AGBL4: variants seen among roughly 807,000 people sequenced by gnomAD.
AGBL4 encodes cytosolic carboxypeptidase 6.
A neutral mutation model predicts 66.4 loss-of-function variants in AGBL4; 58 were observed. That is an observed-to-expected ratio of 0.87 (90% CI 0.71 to 1.09). AGBL4 has a LOEUF of 1.09. Ranked by LOEUF, AGBL4 falls within the 50% of genes least tolerant of loss-of-function variation. AGBL4 has a pLI of 0.00. For missense variants in AGBL4, 579 were observed against 631.0 expected (o/e 0.92, Z 0.88); for synonymous variants, 234 against 222.9 (o/e 1.05, Z -0.44).
chr1:49,964,513 T>C (rs1657391769), intron 1 of AGBL4, among the ~76,000 whole-genome samples: 1 of 152,138 alleles, frequency 6.6e-6, no homozygotes, highest in Non-Finnish European at 1.5e-5. Flanking sequence ...ATTTTCTAGG[T>C]GGCTAATATT....
intron 6 of AGBL4, among the ~76,000 whole-genome samples, chr1:48,748,009 T>C (rs1395414486): frequency 6.6e-6 from 1 of 152,224 alleles, no homozygotes; most frequent in Non-Finnish European, 1.5e-5. Flanking sequence ...TACCATCCTA[T>C]TTTCTTCATA....
At chr1:48,897,861 G>A (rs1651685556) in intron 5 of AGBL4, among the ~76,000 whole-genome samples, 1 of 145,764 alleles carries the variant, frequency 6.9e-6, no homozygotes, top group Non-Finnish European at 1.5e-5. Context: ...CCAGGCCGGA[G>A]TGCAGTGGCA....
rs186370354 is a variant in AGBL4, at chr1:49,739,035, A to G, written c.158-41598T>C. Among the ~76,000 whole-genome samples the G allele has an allele frequency of 7.7e-4, 117 of 152,316 alleles. 1 individual carries two copies. The East Asian group carries it at 0.019, about 24-fold the overall frequency. On this transcript the variant is annotated intron_variant, in intron 2 of 13. Transcript: ENST00000371839. The stretch of plus-strand genomic sequence containing the variant: ...AAAGGAACGCAGTTCCTCACCAACA[A>G]TGGAACAAAGCTGGATGGAGAATGA...
intron 1 of AGBL4, among the ~76,000 whole-genome samples, chr1:50,014,311 C>A (rs1383435859): frequency 2.0e-5 from 3 of 151,056 alleles, no homozygotes; most frequent in African/African-American, 4.9e-5. Flanking sequence ...GTGGAGGCTG[C>A]AGTGAGCCAA....
At chr1:49,704,722 A>G (rs1307890785) in intron 2 of AGBL4, among the ~76,000 whole-genome samples, 2 of 152,104 alleles carry the variant, frequency 1.3e-5, no homozygotes, top group Non-Finnish European at 2.9e-5. Flanking sequence ...CAGGTTTGTC[A>G]AAGATCAGAT....
At position 49,347,614 on chromosome 1, in the gene AGBL4, C is replaced by T. The variant is rs975762513; in HGVS notation, c.283-101750G>A. Among the ~76,000 whole-genome samples, 9 of 151,932 alleles carry T rather than the reference C, an allele frequency of 5.9e-5. No homozygotes were observed. In the East Asian group the frequency reaches 1.4e-3, roughly 23 times the overall value. On this transcript the variant is annotated intron_variant, in intron 3 of 13. Coordinates refer to ENST00000371839, the MANE Select transcript of AGBL4 (RefSeq NM_032785.4). ...GAGGCTCACGCCTGTAATCCCAGCA[C>T]GTTGGGAGGCTCAGGCAGCCAGATC...
intron 3 of AGBL4, among the ~76,000 whole-genome samples, chr1:49,565,402 T>A (rs544246247): frequency 3.3e-5 from 5 of 152,214 alleles, no homozygotes; most frequent in Non-Finnish European, 5.9e-5. Context: ...CTAGCCTTGA[T>A]GGTCTTTACA....
At chr1:49,294,914 C>G (rs1644610904) in intron 3 of AGBL4, among the ~76,000 whole-genome samples, 1 of 152,224 alleles carries the variant, frequency 6.6e-6, no homozygotes, top group Non-Finnish European at 1.5e-5. Flanking sequence ...GTCTGCATCC[C>G]TCATCCTCCA....
At chr1:49,693,986 T>A (rs1646936103) in intron 3 of AGBL4, among the ~76,000 whole-genome samples, 1 of 152,282 alleles carries the variant, frequency 6.6e-6, no homozygotes, top group Admixed American at 6.5e-5. Flanking sequence ...GGTTAATATA[T>A]CAGTCCTGGG....
chr1:49,877,081 A>G (rs1440914082), intron 1 of AGBL4, among the ~76,000 whole-genome samples: 4 of 151,600 alleles, frequency 2.6e-5, no homozygotes, highest in Non-Finnish European at 5.9e-5. Flanking sequence ...GGTTTTCTAG[A>G]TAAACAATCA....
At chr1:49,366,757 A>C (rs1381308389) in intron 3 of AGBL4, among the ~76,000 whole-genome samples, 1 of 152,150 alleles carries the variant, frequency 6.6e-6, no homozygotes, top group Admixed American at 6.6e-5. Context: ...GCTCAACTTG[A>C]CCTCAAAAGA....
At chr1:48,568,102 C>T (rs1644504344) in intron 11 of AGBL4, among the ~76,000 whole-genome samples, 1 of 152,206 alleles carries the variant, frequency 6.6e-6, no homozygotes, top group Admixed American at 6.5e-5. Flanking sequence ...TCAAGCCCCA[C>T]TGGGTCTTAC....
At position 48,942,609 on chromosome 1, in the gene AGBL4, G is replaced by A. The variant is rs1656099554; in HGVS notation, c.595-75379C>T. On this transcript the variant is annotated intron_variant, in intron 5 of 13. Transcript: ENST00000371839. ...GTCTTCCACTTACTCTGGAAGCTGT[G>A]TCCCAATTCAATGTTGTATTCCTAG... Among the ~76,000 whole-genome samples the A allele has an allele frequency of 5.9e-5, 9 of 152,282 alleles. No homozygotes were observed. In the South Asian group the frequency reaches 1.9e-3, roughly 32 times the overall value.
At chr1:49,912,977 A>T (rs1253319479) in intron 1 of AGBL4, among the ~76,000 whole-genome samples, 4 of 152,240 alleles carry the variant, frequency 2.6e-5, no homozygotes, top group Non-Finnish European at 5.9e-5. Flanking sequence ...CCCGCTCTTA[A>T]CACTGTTATA....
At chr1:48,794,222 A>C (rs1216730019) in intron 6 of AGBL4, among the ~76,000 whole-genome samples, 1 of 152,192 alleles carries the variant, frequency 6.6e-6, no homozygotes, top group Non-Finnish European at 1.5e-5. Context: ...TTTGTTTCAG[A>C]AAACATTTGG....
At chr1:49,622,502 G>A (rs893740162) in intron 3 of AGBL4, among the ~76,000 whole-genome samples, 2 of 149,548 alleles carry the variant, frequency 1.3e-5, no homozygotes, top group Non-Finnish European at 3.0e-5. Flanking sequence ...AGTGGCGGGC[G>A]CCTGTAGTCC....
At chr1:48,985,039 A>G (rs1660073060) in intron 5 of AGBL4, among the ~76,000 whole-genome samples, 1 of 152,124 alleles carries the variant, frequency 6.6e-6, no homozygotes. Flanking sequence ...AGAAAGAATA[A>G]CAGTTTGGAT....
intron 11 of AGBL4, among the ~76,000 whole-genome samples, chr1:48,577,261 C>A (rs1644668899): frequency 6.6e-6 from 1 of 152,150 alleles, no homozygotes; most frequent in Non-Finnish European, 1.5e-5. Context: ...AGGGAATATT[C>A]ATATAGACAA....
chr1:49,403,698 G>A (rs1238114554), intron 3 of AGBL4, among the ~76,000 whole-genome samples: 2 of 152,168 alleles, frequency 1.3e-5, no homozygotes, highest in African/African-American at 2.4e-5. Context: ...TTATTGCAGT[G>A]TTCTCAGTCT....
Sources: allele counts gnomAD v4.1 joint callset (sites outside exome capture counted in the v4.1 genomes callset), GRCh38; gene constraint gnomAD v4.1.1; transcripts MANE v1.5; gene names NCBI Gene and HGNC (gene_info 2026-07-23, HGNC 2026-07-21).